The following HNMT variants were observed in gnomAD, a reference collection of about 807,000 sequenced individuals.
HNMT encodes the protein histamine N-methyltransferase.
Under a neutral mutation model 32.1 loss-of-function variants are expected in HNMT, and 30 were observed. The ratio of observed to expected loss-of-function variants is 0.93; its 90% CI spans 0.70 to 1.27. HNMT has a LOEUF of 1.27. Among genes scored for constraint, HNMT ranks in the 50% most tolerant of loss-of-function variants. HNMT has a pLI of 0.00. For synonymous variants in HNMT, 125 were observed against 119.0 expected (o/e 1.05, Z -0.33); for missense variants, 327 against 346.0 (o/e 0.95, Z 0.43).
At chr2:138,001,153 G>A (rs1681158971) in intron 3 of HNMT, 128 bp downstream of exon 3, 8 of 511,766 alleles carry the variant, frequency 1.6e-5, no homozygotes, top group Admixed American at 4.0e-5. Flanking sequence ...GAGAAGAACT[G>A]AATTAGTTCT....
rs1680496422 is a variant in HNMT at position 137,981,430 on chromosome 2, A to G, written c.190+11213A>G. Reference sequence around the variant, plus strand: ...AAGTGTCATCTTTTCCATGAAGCCTACTAGATCACACAGTTGAAAATTGCA... The same window carrying G: ...AAGTGTCATCTTTTCCATGAAGCCTGCTAGATCACACAGTTGAAAATTGCA... On this transcript the variant is annotated intron_variant, in intron 2 of 5. Transcript: ENST00000280097. The G allele has an allele frequency of 2.1e-6, 3 of 1,441,760 alleles. No individual in the cohort carries two copies. In the South Asian group the frequency reaches 3.5e-5, roughly 17 times the overall value. 89.3% of individuals were successfully genotyped at this position (1,441,760 alleles called of 1,614,324 possible). A position where few individuals can be genotyped will look rare whatever the true frequency, so the allele number is the denominator to read the frequency against.
At chr2:137,997,942 C>G (rs115888861) in intron 2 of HNMT, among the ~76,000 whole-genome samples, 2,942 of 152,186 alleles carry the variant, frequency 0.019, 94 homozygotes, top group African/African-American at 0.067. Context: ...ACCGCATGTT[C>G]TCATTCATAA....
chr2:138,002,665 T>C (rs1348519073), intron 4 of HNMT: 5 of 347,382 alleles, frequency 1.4e-5, no homozygotes, highest in Non-Finnish European at 4.0e-6. Context: ...CAGGCTGGTC[T>C]TGAAATCCTG....
At chr2:137,995,819 C>T (rs920498684) in intron 2 of HNMT, among the ~76,000 whole-genome samples, 1 of 151,992 alleles carries the variant, frequency 6.6e-6, no homozygotes, top group East Asian at 1.9e-4. Flanking sequence ...AATTATCCAC[C>T]ACAATCAAGT....
intron 5 of HNMT, among the ~76,000 whole-genome samples, chr2:138,008,086 C>A (rs1357169950): frequency 6.6e-6 from 1 of 151,888 alleles, no homozygotes; most frequent in Non-Finnish European, 1.5e-5. Flanking sequence ...TTTCATCACC[C>A]AGGTATTAAA....
At chr2:137,977,696 T>C (rs1008890568) in intron 2 of HNMT, among the ~76,000 whole-genome samples, 2 of 152,058 alleles carry the variant, frequency 1.3e-5, no homozygotes, top group Admixed American at 6.6e-5. Flanking sequence ...TACAGTGATA[T>C]GGAAGTTTTC....
Position 137,971,388 on chromosome 2 carries a change from C to T in HNMT, c.190+1171C>T, listed in dbSNP as rs185912423. On this transcript the variant is annotated intron_variant, in intron 2 of 5. Coordinates refer to ENST00000280097, the MANE Select transcript of HNMT (RefSeq NM_006895.3). Reference sequence around the variant, plus strand: ...AGAGACGGGGTTTCACCATCTTGTCCAGGCTGGTCTCAAACTCCTGACCTT... The same window carrying T: ...AGAGACGGGGTTTCACCATCTTGTCTAGGCTGGTCTCAAACTCCTGACCTT... Among the ~76,000 whole-genome samples the T allele has an allele frequency of 1.6e-4, 25 of 152,280 alleles. 1 individual carries two copies. The East Asian group carries it at 4.6e-3, about 28-fold the overall frequency.
intron 2 of HNMT, among the ~76,000 whole-genome samples, chr2:137,970,928 AAAAAAAAAG>A: frequency 1.5e-5 from 1 of 65,822 alleles, no homozygotes. Context: ...TCAAAAAAAA[AAAAAAAAAG>A]AAAGAAAGAA....
chr2:138,014,884 T>C lies in HNMT; in HGVS notation c.*754T>C, dbSNP rs1681618015. 6.6e-6 allele frequency: 1 copy of C among 152,018 alleles called. No homozygotes were observed. The highest frequency in any genetic ancestry group is 1.5e-5 in the Non-Finnish European group (1 of 67,986). The allele number at this position is 152,018 out of a possible 1,614,324, so 9.4% of individuals were successfully genotyped here. A position where few individuals can be genotyped will look rare whatever the true frequency, so the allele number is the denominator to read the frequency against. Reference sequence around the variant, plus strand: ...GTTTTGCTTTTTTTAAAAAATGAAATCTTTACTATGTTTGAAATTTAGATA... The same window carrying C: ...GTTTTGCTTTTTTTAAAAAATGAAACCTTTACTATGTTTGAAATTTAGATA... On this transcript the variant is annotated 3_prime_UTR_variant, in exon 6 of 6. Transcript: ENST00000280097.
intron 2 of HNMT, 112 bp downstream of exon 2, chr2:137,970,329 C>T (rs189463236): frequency 7.3e-5 from 40 of 548,420 alleles, no homozygotes; most frequent in Admixed American, 1.8e-4. Context: ...TGGAAGAGAT[C>T]GGCTTATTAA....
intron 2 of HNMT, among the ~76,000 whole-genome samples, chr2:138,000,573 T>C (rs980608369): frequency 1.1e-4 from 16 of 149,518 alleles, no homozygotes; most frequent in African/African-American, 3.7e-4. Context: ...TTGATAAAAA[T>C]CTTAAAATTT....
intron 2 of HNMT, among the ~76,000 whole-genome samples, chr2:137,988,279 AG>A (rs1680711493): frequency 6.6e-6 from 1 of 152,194 alleles, no homozygotes; most frequent in African/African-American, 2.4e-5. Flanking sequence ...GAGGAATACA[AG>A]ACCAGAGGTA....
In HNMT at chr2:138,010,472, CACACACACACAG is replaced by C. The variant is rs1166414896; in HGVS notation, c.524-3302_524-3291del. ...ACACACACACACACACACACACACA[CACACACACACAG>C]CAAATGGAAGCAGCCAGACAAAAGC... is the stretch of plus-strand genomic sequence containing the variant. On this transcript the variant is annotated intron_variant, in intron 5 of 5. Transcript: ENST00000280097. Among the ~76,000 whole-genome samples the C allele has an allele frequency of 1.1e-3, 163 of 145,404 alleles. 2 individuals are homozygous for C. The Middle Eastern group carries it at 0.018, about 16-fold the overall frequency.
At chr2:137,995,559 G>A (rs949783478) in intron 2 of HNMT, among the ~76,000 whole-genome samples, 1 of 152,146 alleles carries the variant, frequency 6.6e-6, no homozygotes, top group East Asian at 1.9e-4. Flanking sequence ...AGGACCAGAT[G>A]GATTCACAGC....
Position 137,992,891 on chromosome 2 carries a change from A to T in HNMT, c.191-8027A>T, listed in dbSNP as rs190139564. Among the ~76,000 whole-genome samples the T allele has an allele frequency of 5.3e-5, 8 of 152,254 alleles. No individual in the cohort carries two copies. In the South Asian group the frequency reaches 8.3e-4, roughly 16 times the overall value. On this transcript the variant is annotated intron_variant, in intron 2 of 5. Coordinates refer to ENST00000280097, the MANE Select transcript of HNMT (RefSeq NM_006895.3). ...GTGACATCTCCAGGCACAGCAGCGA[A>T]TCAGATAAATAGGTCCTGAAGTGAA...
At chr2:137,970,963 A>C (rs2104926631) in intron 2 of HNMT, among the ~76,000 whole-genome samples, 1 of 151,288 alleles carries the variant, frequency 6.6e-6, no homozygotes, top group African/African-American at 2.4e-5. Flanking sequence ...GAAAGAAAGA[A>C]AGAAAGAAAA....
chr2:138,008,140 C>G (rs1018692776), intron 5 of HNMT, among the ~76,000 whole-genome samples: 25 of 152,106 alleles, frequency 1.6e-4, no homozygotes, highest in Middle Eastern at 3.4e-3. Context: ...TTTCTCCCCC[C>G]ACCCTCCATC....
chr2:137,974,393 T>A (rs1680225189), intron 2 of HNMT, among the ~76,000 whole-genome samples: 1 of 152,182 alleles, frequency 6.6e-6, no homozygotes, highest in African/African-American at 2.4e-5. Context: ...CTTCCTTAAA[T>A]TAAACCTCTT....
chr2:137,975,087 A>C (rs913338602), intron 2 of HNMT, among the ~76,000 whole-genome samples: 6 of 152,238 alleles, frequency 3.9e-5, no homozygotes, highest in African/African-American at 1.2e-4. Flanking sequence ...CAGATTTAAT[A>C]GTTAATTCTT....
Sources: allele counts gnomAD v4.1 joint callset (sites outside exome capture counted in the v4.1 genomes callset), GRCh38; gene constraint gnomAD v4.1.1; transcripts MANE v1.5; gene names NCBI Gene and HGNC (gene_info 2026-07-23, HGNC 2026-07-21).